MBP: variants seen among roughly 807,000 people sequenced by gnomAD.
The protein encoded by MBP is myelin basic protein, also known as Golli-MBP.
In MBP, 16 loss-of-function variants were observed where a neutral mutation model predicts 35.8. The ratio of observed to expected loss-of-function variants is 0.45; its 90% CI spans 0.30 to 0.68. MBP has a LOEUF of 0.68. Among genes scored for constraint, MBP ranks in the 30% least tolerant of loss-of-function variants. MBP has a pLI of 0.08. For synonymous variants in MBP, 143 were observed against 159.6 expected (o/e 0.90, Z 0.78); for missense variants, 380 against 404.7 (o/e 0.94, Z 0.52).
intron 2 of MBP, among the ~76,000 whole-genome samples, chr18:77,074,175 G>C (rs143962119): frequency 1.3e-5 from 2 of 152,126 alleles, no homozygotes; most frequent in African/African-American, 2.4e-5. Flanking sequence ...GTGCCCACGT[G>C]GGGGCTTCAA....
chr18:77,060,377 T>G (rs984007337), intron 3 of MBP, among the ~76,000 whole-genome samples: 3 of 151,474 alleles, frequency 2.0e-5, no homozygotes, highest in Non-Finnish European at 2.9e-5. Context: ...ATTCACTGTA[T>G]GAACGTGGCT....
chr18:76,995,215 A>G (rs1346105570), intron 4 of MBP, among the ~76,000 whole-genome samples: 1 of 152,228 alleles, frequency 6.6e-6, no homozygotes, highest in Non-Finnish European at 1.5e-5. Flanking sequence ...GAGACATACT[A>G]TGTTCATGAA....
intron 4 of MBP, among the ~76,000 whole-genome samples, chr18:77,007,677 T>C (rs1371195617): frequency 2.0e-5 from 3 of 152,160 alleles, no homozygotes; most frequent in Non-Finnish European, 1.5e-5. Flanking sequence ...CCTACTGCTT[T>C]TCCTATCTGG....
At chr18:77,024,348 T>C (rs959453960) in intron 3 of MBP, among the ~76,000 whole-genome samples, 1 of 152,226 alleles carries the variant, frequency 6.6e-6, no homozygotes, top group Admixed American at 6.5e-5. Flanking sequence ...AGCCAAAAGA[T>C]TGGATACCCC....
At chr18:77,043,135 G>C (rs1973083831) in intron 3 of MBP, among the ~76,000 whole-genome samples, 1 of 152,168 alleles carries the variant, frequency 6.6e-6, no homozygotes, top group Admixed American at 6.5e-5. Context: ...GGGCCTATCA[G>C]AATGAAGAAA....
intron 3 of MBP, among the ~76,000 whole-genome samples, chr18:77,042,755 G>A (rs954872266): frequency 1.3e-5 from 2 of 152,206 alleles, no homozygotes; most frequent in African/African-American, 4.8e-5. Flanking sequence ...TTCAGAAACG[G>A]CATCCAACAC....
chr18:77,119,349 C>T (rs1976817549), intron 1 of MBP, among the ~76,000 whole-genome samples: 1 of 152,212 alleles, frequency 6.6e-6, no homozygotes, highest in Non-Finnish European at 1.5e-5. Flanking sequence ...GCACACCCAG[C>T]CGGGTCTCTG....
chr18:77,052,182 C>T (rs1039566107), intron 3 of MBP, among the ~76,000 whole-genome samples: 1 of 152,160 alleles, frequency 6.6e-6, no homozygotes, highest in African/African-American at 2.4e-5. Flanking sequence ...CCAACAGCCA[C>T]ACAACAGAGT....
intron 3 of MBP, among the ~76,000 whole-genome samples, chr18:77,047,163 T>C (rs1033078538): frequency 3.3e-5 from 5 of 152,238 alleles, no homozygotes; most frequent in Admixed American, 3.3e-4. Flanking sequence ...CGCAGACCTA[T>C]GTCCACGGGA....
At chr18:77,008,784 C>T (rs1425106411) in intron 4 of MBP, among the ~76,000 whole-genome samples, 1 of 152,234 alleles carries the variant, frequency 6.6e-6, no homozygotes, top group Non-Finnish European at 1.5e-5. Context: ...CAGCCCTGGA[C>T]AGCCAGGCAC....
rs369476679 is a variant in MBP at position 76,989,462 on chromosome 18, G to A, written c.681+494C>T. Among the ~76,000 whole-genome samples, 1 of 152,086 alleles carries A rather than the reference G, an allele frequency of 6.6e-6. No homozygotes were observed. Among genetic ancestry groups the A allele is most frequent in the East Asian group, 1.9e-4 (1 of 5,190 alleles). On this transcript the variant is annotated intron_variant, in intron 5 of 8. Coordinates refer to ENST00000355994, the MANE Select transcript of MBP (RefSeq NM_001025101.2). The surrounding 1 kb of genome is among the most constrained non-coding windows in gnomAD (Gnocchi z 4.0). ...GCAGAAATTAGTTTCCACATACCCC[G>A]AACAGTTTCCCTTATTAGCAACACT...
chr18:76,987,910 C>T, intron 7 of MBP: 1 of 1,102,998 alleles, frequency 9.1e-7, no homozygotes, highest in Non-Finnish European at 1.1e-6. Flanking sequence ...CAGTATTAAC[C>T]AGCCTAAAAT....
chr18:77,112,148 T>A (rs1422233267), intron 1 of MBP, among the ~76,000 whole-genome samples: 1 of 138,242 alleles, frequency 7.2e-6, no homozygotes, highest in Non-Finnish European at 1.5e-5. Context: ...CAAAAACCCG[T>A]AGAATGAACA....
intron 4 of MBP, chr18:77,003,983 C>T (rs1386403655): frequency 4.3e-5 from 2 of 46,754 alleles, no homozygotes; most frequent in African/African-American, 1.7e-4. Flanking sequence ...TATCTGTTTC[C>T]CATGGAAACT....
At chr18:77,067,037 A>T (rs1974227934) in intron 2 of MBP, among the ~76,000 whole-genome samples, 2 of 152,258 alleles carry the variant, frequency 1.3e-5, no homozygotes, top group Admixed American at 1.3e-4. Context: ...TAAAGTTTTC[A>T]GTACATAGTT....
At chr18:77,001,664 A>G (rs1381142018) in intron 4 of MBP, among the ~76,000 whole-genome samples, 7 of 152,176 alleles carry the variant, frequency 4.6e-5, no homozygotes, top group Non-Finnish European at 8.8e-5. Context: ...CTCCCTGGCC[A>G]ACGTGGCAAA....
Position 77,063,727 on chromosome 18 carries a change from A to G in MBP, c.139+2571T>C, listed in dbSNP as rs1974077984. Among the ~76,000 whole-genome samples, 4 of 152,192 alleles carry G rather than the reference A, an allele frequency of 2.6e-5. No homozygotes were observed. The South Asian group carries it at 8.3e-4, about 32-fold the overall frequency. On this transcript the variant is annotated intron_variant, in intron 3 of 8. Transcript: ENST00000355994. ...ATCATTTCCAGTAGTTTTCACATTC[A>G]ATCCTAGGTAATAACTCTCTAAACT... is the stretch of plus-strand genomic sequence containing the variant.
At position 77,020,600 on chromosome 18, in the gene MBP, G is replaced by A. The variant is rs989465422; in HGVS notation, c.140-3332C>T. On this transcript the variant is annotated intron_variant, in intron 3 of 8. Transcript: ENST00000355994. The surrounding 1 kb of genome is among the most constrained non-coding windows in gnomAD (Gnocchi z 4.1). Reference sequence around the variant, plus strand: ...CATGCTGTGACCCCATGTGTGACATGCTGTCTGTTAGGGAGGCTCGTTAGA... The same window carrying A: ...CATGCTGTGACCCCATGTGTGACATACTGTCTGTTAGGGAGGCTCGTTAGA... Among the ~76,000 whole-genome samples, 35 of 152,212 alleles carry A rather than the reference G, an allele frequency of 2.3e-4. No homozygotes were observed. Among genetic ancestry groups the A allele is most frequent in the African/African-American group, 8.4e-4 (35 of 41,454 alleles).
At chr18:77,076,289 G>C (rs1220601022) in intron 2 of MBP, among the ~76,000 whole-genome samples, 2 of 152,226 alleles carry the variant, frequency 1.3e-5, no homozygotes, top group Non-Finnish European at 2.9e-5. Context: ...ACCTTGATGA[G>C]GACCAGCCAC....
Sources: allele counts gnomAD v4.1 joint callset (sites outside exome capture counted in the v4.1 genomes callset), GRCh38; gene constraint gnomAD v4.1.1; non-coding constraint Gnocchi (gnomAD v3.1); transcripts MANE v1.5; gene names NCBI Gene and HGNC (gene_info 2026-07-23, HGNC 2026-07-21).